The following DNAH8 variants were observed in gnomAD, a reference collection of about 807,000 sequenced individuals.
DNAH8 encodes dynein axonemal heavy chain 8.
DNAH8 carries 382 observed loss-of-function variants against 562.1 expected under a neutral mutation model. The observed-to-expected ratio is 0.68, with a 90% confidence interval of 0.63 to 0.74. The LOEUF (loss-of-function observed/expected upper bound fraction) is 0.74, where lower values mean the gene tolerates loss of function less well. Ranked by LOEUF, DNAH8 falls within the 30% of genes least tolerant of loss-of-function variation. The pLI, the probability that DNAH8 is intolerant of heterozygous loss-of-function variation, is 0.00. For synonymous variants in DNAH8, 1,881 were observed against 1,919.4 expected (o/e 0.98, Z 0.52); for missense variants, 5,203 against 5,620.4 (o/e 0.93, Z 2.37).
intron 77 of DNAH8, 31 bp downstream of exon 77, chr6:38,935,728 C>T (rs189785497): frequency 7.4e-5 from 109 of 1,465,810 alleles, no homozygotes; most frequent in East Asian, 6.4e-4. Context: ...AATGAAATAA[C>T]GGATTCTGAA....
Position 38,816,072 on chromosome 6 carries a change from A to G in DNAH8, c.3523+415A>G, listed in dbSNP as rs868369368. On this transcript the variant is annotated intron_variant, in intron 26 of 92. Coordinates refer to ENST00000327475, the MANE Select transcript of DNAH8 (RefSeq NM_001206927.2). ...ATTTTATTTTATTTTGTTTTATTTT[A>G]TTTTATTTTATTTTATTTTAGTTCT... 3.0e-3 allele frequency among the ~76,000 whole-genome samples: 455 copies of G among 151,508 alleles called. 3 individuals carry two copies. Among genetic ancestry groups the G allele is most frequent in the African/African-American group, 0.011 (440 of 41,304 alleles).
In DNAH8 at chr6:38,848,773, G is replaced by A. The variant is rs45461493; in HGVS notation, c.5171G>A (p.Gly1724Asp). The A allele has an allele frequency of 3.6e-4, 581 of 1,613,320 alleles. 1 individual carries two copies. The highest frequency in any genetic ancestry group is 4.8e-4 in the Non-Finnish European group (564 of 1,179,558). ...GTTTATCTTGAAGCCGTCTTTGTAG[G>A]TGGAGATATTGCCAAACAGCTGCCT... ...LWVYLEAVFV[G>D]GDIAKQLPQE... The change falls in exon 37 of 93, where the codon GGT (glycine) becomes GAT (aspartate). Residue 1724 changes from glycine to aspartate, a missense_variant. By Grantham distance (94) the Gly-to-Asp change is moderately conservative (BLOSUM62 -1). Transcript: ENST00000327475.
intron 53 of DNAH8, among the ~76,000 whole-genome samples, chr6:38,878,220 A>G (rs1778176311): frequency 6.6e-6 from 1 of 152,224 alleles, no homozygotes; most frequent in Admixed American, 6.5e-5. Flanking sequence ...CACTATCAAT[A>G]CCCTGAATTC....
At chr6:38,991,902 T>A (rs1227741851) in intron 88 of DNAH8, among the ~76,000 whole-genome samples, 5 of 152,132 alleles carry the variant, frequency 3.3e-5, no homozygotes, top group Non-Finnish European at 1.5e-5. Context: ...CCCCAAACCC[T>A]GCCCAAGACC....
At chr6:38,843,019 C>T (rs1774954125) in intron 35 of DNAH8, 116 bp downstream of exon 35, 2 of 1,031,410 alleles carry the variant, frequency 1.9e-6, no homozygotes, top group South Asian at 3.5e-5. Flanking sequence ...CTATAATGCA[C>T]CCTCAAAATT....
At chr6:38,881,830 C>T (rs1225533399) in intron 53 of DNAH8, among the ~76,000 whole-genome samples, 2 of 152,104 alleles carry the variant, frequency 1.3e-5, no homozygotes, top group Non-Finnish European at 2.9e-5. Flanking sequence ...GGTTTACAGA[C>T]GTCAGCCACT....
At chr6:38,892,168 C>T (rs1287842927) in intron 58 of DNAH8, among the ~76,000 whole-genome samples, 7 of 152,112 alleles carry the variant, frequency 4.6e-5, no homozygotes, top group African/African-American at 1.2e-4. Flanking sequence ...CACCTGGTCT[C>T]GATGCCAGGC....
At chr6:38,932,021 T>G in intron 76 of DNAH8, 28 bp downstream of exon 76, 1 of 1,464,506 alleles carries the variant, frequency 6.8e-7, no homozygotes, top group South Asian at 1.5e-5. Flanking sequence ...GTAAAGAATT[T>G]CTGCTTATAA....
At chr6:38,756,166 AG>A in intron 10 of DNAH8, 87 bp downstream of exon 10, 1 of 822,884 alleles carries the variant, frequency 1.2e-6, no homozygotes. Flanking sequence ...GGAATTTGGA[AG>A]CCTAAGTGCC....
At chr6:38,903,421 G>T (rs1388812003) in intron 62 of DNAH8, among the ~76,000 whole-genome samples, 1 of 151,896 alleles carries the variant, frequency 6.6e-6, no homozygotes, top group Admixed American at 6.6e-5. Flanking sequence ...CTCAGAGTTA[G>T]AACTCACTCA....
intron 73 of DNAH8, 22 bp downstream of exon 73, chr6:38,924,184 T>G (rs1248158559): frequency 1.2e-6 from 2 of 1,607,444 alleles, no homozygotes; most frequent in African/African-American, 2.7e-5. Context: ...TTTCCCAATG[T>G]TATTTGAATT....
chr6:38,859,737 C>G (rs1349289075), intron 42 of DNAH8, among the ~76,000 whole-genome samples: 2 of 152,158 alleles, frequency 1.3e-5, no homozygotes, highest in East Asian at 3.9e-4. Context: ...CTATGAGAGC[C>G]CAGTACCTCT....
intron 53 of DNAH8, among the ~76,000 whole-genome samples, chr6:38,881,300 C>T (rs915129970): frequency 2.6e-5 from 4 of 152,164 alleles, no homozygotes; most frequent in African/African-American, 9.7e-5. Flanking sequence ...TCACCAATAT[C>T]AATGTATGCT....
At chr6:38,852,591 A>C in intron 39 of DNAH8, 103 bp from the exon 40 acceptor site, 1 of 791,242 alleles carries the variant, frequency 1.3e-6, no homozygotes, top group Non-Finnish European at 2.0e-6. Flanking sequence ...CAATAAAGTA[A>C]ATACTTAACC....
At chr6:39,010,836 T>C (rs896029303) in intron 89 of DNAH8, among the ~76,000 whole-genome samples, 55 of 120,608 alleles carry the variant, frequency 4.6e-4, no homozygotes, top group Non-Finnish European at 4.4e-4. Flanking sequence ...TATGTATGTA[T>C]GTATGTATGT....
At chr6:38,873,770 C>CA (rs1561796490) in intron 52 of DNAH8, among the ~76,000 whole-genome samples, 9 of 24,366 alleles carry the variant, frequency 3.7e-4, no homozygotes, top group Non-Finnish European at 1.0e-3. Flanking sequence ...ACACACACAC[C>CA]CCTGCACTCC....
At chr6:38,787,014 T>C (rs1769228678) in intron 18 of DNAH8, 62 bp downstream of exon 18, 2 of 541,566 alleles carry the variant, frequency 3.7e-6, no homozygotes, top group East Asian at 1.4e-4. Flanking sequence ...AAAATATGTA[T>C]ATATATATAT....
intron 88 of DNAH8, among the ~76,000 whole-genome samples, chr6:38,990,473 G>A (rs570370952): frequency 4.3e-4 from 65 of 152,230 alleles, no homozygotes; most frequent in African/African-American, 1.1e-3. Flanking sequence ...GCTCTCCGCC[G>A]GCAGAAGAGT....
At chr6:38,951,198 TG>T in intron 81 of DNAH8, 119 bp from the exon 82 acceptor site, 1 of 827,580 alleles carries the variant, frequency 1.2e-6, no homozygotes, top group Non-Finnish European at 2.0e-6. Context: ...TACTTAGATG[TG>T]GAAAAGTAGG....
Sources: gnomAD v4.1 joint callset for allele counts (sites outside exome capture counted in the v4.1 genomes callset) on GRCh38, gnomAD v4.1.1 for gene constraint, MANE v1.5 for transcripts, NCBI Gene and HGNC (gene_info 2026-07-23, HGNC 2026-07-21) for gene names.